ACVR1: variants seen among roughly 807,000 people sequenced by gnomAD.
ACVR1 encodes the protein activin A receptor type 1, also known as activin receptor type-1.
A neutral mutation model predicts 57.1 loss-of-function variants in ACVR1; 38 were observed. The ratio of observed to expected loss-of-function variants is 0.67; its 90% CI spans 0.51 to 0.87. ACVR1 has a LOEUF of 0.87. Among genes scored for constraint, ACVR1 ranks in the 40% least tolerant of loss-of-function variants. The probability of loss-of-function intolerance (pLI) is 0.00; values close to 1 mark genes in which losing one functional copy is unlikely to be tolerated. For synonymous variants in ACVR1, 212 were observed against 228.1 expected, an observed-to-expected ratio of 0.93 and a Z score of 0.63; for missense variants, 463 against 638.2, an observed-to-expected ratio of 0.73 and a Z score of 2.96.
Position 157,770,355 on chromosome 2 carries a change from T to G in ACVR1, c.790+13A>C, listed in dbSNP as rs1482045881. On this transcript the variant is annotated intron_variant, in intron 7 of 10. Transcript: ENST00000434821. ...CTAGATACAATTAATGAGGGGGTTA[T>G]CCTTGTACTTACCTAAGATATTTTC... is the stretch of plus-strand genomic sequence containing the variant. 1 of 1,613,798 alleles carries G rather than the reference T, an allele frequency of 6.2e-7. No homozygotes were observed. The highest frequency in any genetic ancestry group is 8.5e-7 in the Non-Finnish European group (1 of 1,179,838).
chr2:157,785,514 G>C (rs1008851912), intron 3 of ACVR1, among the ~76,000 whole-genome samples: 2 of 152,302 alleles, frequency 1.3e-5, no homozygotes, highest in African/African-American at 4.8e-5. Context: ...TCCTAAGACA[G>C]AGACACAAAG....
chr2:157,859,415 C>A (rs904327237), intron 1 of ACVR1, among the ~76,000 whole-genome samples: 1 of 152,220 alleles, frequency 6.6e-6, no homozygotes, highest in African/African-American at 2.4e-5. Context: ...AAATGGGCAA[C>A]CAGCAGCCCT....
chr2:157,744,214 T>A (rs1684877867), intron 9 of ACVR1, among the ~76,000 whole-genome samples: 1 of 152,178 alleles, frequency 6.6e-6, no homozygotes, highest in East Asian at 1.9e-4. Context: ...CTGGCATGTA[T>A]ATCCATACAA....
intron 1 of ACVR1, among the ~76,000 whole-genome samples, chr2:157,853,385 T>C (rs1186569199): frequency 6.6e-6 from 1 of 152,116 alleles, no homozygotes; most frequent in East Asian, 1.9e-4. Context: ...TTCTCTGATA[T>C]CTCTTCTTAC....
intron 1 of ACVR1, among the ~76,000 whole-genome samples, chr2:157,867,862 C>T (rs1689992550): frequency 6.6e-6 from 1 of 152,040 alleles, no homozygotes; most frequent in South Asian, 2.1e-4. Context: ...CTCTATGCCT[C>T]AGTTTCTCCT....
intron 2 of ACVR1, among the ~76,000 whole-genome samples, chr2:157,807,921 TCTCTCTCTCTCTCC>T (rs971024622): frequency 1.4e-5 from 2 of 146,552 alleles, no homozygotes; most frequent in Non-Finnish European, 3.0e-5. Flanking sequence ...TCTCTTTCTC[TCTCTCTCTCTCTCC>T]CTCTCTCTCT....
chr2:157,813,023 AT>A (rs1326419648), intron 2 of ACVR1, among the ~76,000 whole-genome samples: 1 of 152,228 alleles, frequency 6.6e-6, no homozygotes, highest in East Asian at 1.9e-4. Context: ...AATGAAGTCT[AT>A]ACATTTAACA....
At chr2:157,863,757 AC>A (rs1689818138) in intron 1 of ACVR1, among the ~76,000 whole-genome samples, 1 of 152,114 alleles carries the variant, frequency 6.6e-6, no homozygotes, top group Non-Finnish European at 1.5e-5. Context: ...AAAATGAGTA[AC>A]TAAGGGCTCA....
At chr2:157,807,239 T>C (rs1183969336) in intron 2 of ACVR1, among the ~76,000 whole-genome samples, 1 of 152,206 alleles carries the variant, frequency 6.6e-6, no homozygotes, top group Non-Finnish European at 1.5e-5. Context: ...TAAATTTATT[T>C]TAACTGTACA....
chr2:157,745,780 G>A (rs778652528), intron 9 of ACVR1, among the ~76,000 whole-genome samples: 4 of 152,192 alleles, frequency 2.6e-5, no homozygotes, highest in Non-Finnish European at 4.4e-5. Context: ...CATGAAACAT[G>A]TTGGATATTG....
At chr2:157,818,860 C>A (rs1015458698) in intron 1 of ACVR1, among the ~76,000 whole-genome samples, 1 of 151,790 alleles carries the variant, frequency 6.6e-6, no homozygotes, top group African/African-American at 2.4e-5. Context: ...GGGCGGATCA[C>A]GAGGTCAGGA....
intron 5 of ACVR1, among the ~76,000 whole-genome samples, chr2:157,774,819 T>A (rs750419837): frequency 6.6e-6 from 1 of 151,536 alleles, no homozygotes; most frequent in Non-Finnish European, 1.5e-5. Flanking sequence ...AAGGTGTAAA[T>A]CAGAAAGCCC....
intron 3 of ACVR1, among the ~76,000 whole-genome samples, chr2:157,792,478 G>A (rs1226306339): frequency 1.3e-5 from 2 of 152,202 alleles, no homozygotes; most frequent in East Asian, 3.9e-4. Flanking sequence ...ATGGAGTTGT[G>A]AAAAAATAAA....
At chr2:157,755,204 A>T (rs1290954882) in intron 9 of ACVR1, among the ~76,000 whole-genome samples, 3 of 152,134 alleles carry the variant, frequency 2.0e-5, no homozygotes, top group Non-Finnish European at 4.4e-5. Flanking sequence ...TTGTAACAGG[A>T]TAAGGATGTC....
At chr2:157,853,996 G>T (rs1309028709) in intron 1 of ACVR1, among the ~76,000 whole-genome samples, 2 of 151,998 alleles carry the variant, frequency 1.3e-5, no homozygotes, top group Non-Finnish European at 2.9e-5. Flanking sequence ...GCTGTACATT[G>T]TGCACACCCG....
rs529703002 is a variant in ACVR1 at position 157,766,852 on chromosome 2, T to G, written c.791-656A>C. On this transcript the variant is annotated intron_variant, in intron 7 of 10. Coordinates refer to ENST00000434821, the MANE Select transcript of ACVR1 (RefSeq NM_001111067.4). ...TAAAAACGAAAACACTACAATAAAA[T>G]ACGAAAAGTACTATAATATATATCT... is the stretch of plus-strand genomic sequence containing the variant. Among the ~76,000 whole-genome samples, 5 of 152,146 alleles carry G rather than the reference T, an allele frequency of 3.3e-5. No homozygotes were observed. The East Asian group carries it at 5.8e-4, about 18-fold the overall frequency.
In ACVR1 at chr2:157,738,441, G is replaced by A. The variant is rs750457181; in HGVS notation, c.1394C>T (p.Pro465Leu). The change falls in exon 10 of 11, where the codon CCG becomes CTG. Residue 465 changes from proline (P) to leucine (L), a missense_variant and splice_region_variant. By Grantham distance (98) the Pro-to-Leu change is moderately conservative. Coordinates refer to ENST00000434821, the MANE Select transcript of ACVR1 (RefSeq NM_001111067.4). ...PNIPNRWFSD[P>L]TLTSLAKLMK... The stretch of plus-strand genomic sequence containing the variant: ...AAACTGAGAAACTGGCATTCTTACC[G>A]GGTCTGAGAACCATCTGTTGGGTAT... 74 of 1,613,924 alleles carry A rather than the reference G, an allele frequency of 4.6e-5. No homozygotes were observed. The highest frequency in any genetic ancestry group is 2.5e-4 in the South Asian group (23 of 91,082).
intron 1 of ACVR1, among the ~76,000 whole-genome samples, chr2:157,873,417 A>T (rs1018695024): frequency 1.3e-5 from 2 of 152,250 alleles, no homozygotes; most frequent in African/African-American, 4.8e-5. Context: ...CTGTCATTAA[A>T]GCCACCCAAA....
chr2:157,759,425 G>C (rs1015630240), intron 9 of ACVR1, among the ~76,000 whole-genome samples: 29 of 151,946 alleles, frequency 1.9e-4, no homozygotes, highest in African/African-American at 6.8e-4. Flanking sequence ...TTTAAAATCT[G>C]AACAGACCAT....
Sources: allele counts gnomAD v4.1 joint callset (sites outside exome capture counted in the v4.1 genomes callset), GRCh38; gene constraint gnomAD v4.1.1; transcripts MANE v1.5; gene names NCBI Gene and HGNC (gene_info 2026-07-23, HGNC 2026-07-21).